The following GALNTL6 variants were observed in gnomAD, a reference collection of about 807,000 sequenced individuals.
GALNTL6 encodes the protein polypeptide N-acetylgalactosaminyltransferase like 6.
In GALNTL6, 46 loss-of-function variants were observed where a neutral mutation model predicts 73.7. That is an observed-to-expected ratio of 0.62 (90% confidence interval 0.49 to 0.80). GALNTL6 has a LOEUF of 0.80. Ranked by LOEUF, GALNTL6 falls within the 30% of genes least tolerant of loss-of-function variation. The pLI, the probability that GALNTL6 is intolerant of heterozygous loss-of-function variation, is 0.00. For missense variants in GALNTL6, 604 were observed against 755.0 expected (o/e 0.80, Z 2.34); for synonymous variants, 259 against 263.7 (o/e 0.98, Z 0.17).
intron 2 of GALNTL6, among the ~76,000 whole-genome samples, chr4:171,929,075 AT>A (rs1355406116): frequency 6.6e-6 from 1 of 152,000 alleles, no homozygotes; most frequent in Non-Finnish European, 1.5e-5. Flanking sequence ...TGTTATTATT[AT>A]TATTTTTGAG....
intron 5 of GALNTL6, among the ~76,000 whole-genome samples, chr4:172,746,722 C>A (rs2110762310): frequency 6.6e-6 from 1 of 152,126 alleles, no homozygotes; most frequent in South Asian, 2.1e-4. Context: ...CCATATATGG[C>A]AAACCCACAG....
intron 5 of GALNTL6, among the ~76,000 whole-genome samples, chr4:172,395,943 G>A (rs753798559): frequency 1.6e-4 from 25 of 152,114 alleles, no homozygotes; most frequent in East Asian, 1.2e-3. Flanking sequence ...CTGACTTCAC[G>A]CGTAGTTAAA....
intron 2 of GALNTL6, among the ~76,000 whole-genome samples, chr4:172,213,865 AAACTAAGGTC>A (rs894879768): frequency 1.3e-5 from 2 of 152,196 alleles, no homozygotes; most frequent in African/African-American, 4.8e-5. Flanking sequence ...CTCATCACCA[AAACTAAGGTC>A]ACCTAGATAG....
At chr4:172,826,884 G>C (rs1742298564) in intron 7 of GALNTL6, among the ~76,000 whole-genome samples, 2 of 152,106 alleles carry the variant, frequency 1.3e-5, no homozygotes, top group African/African-American at 4.8e-5. Flanking sequence ...CTCCATGCCG[G>C]GATTGTTTTC....
At chr4:172,369,019 G>T (rs978022962) in intron 5 of GALNTL6, among the ~76,000 whole-genome samples, 1 of 152,190 alleles carries the variant, frequency 6.6e-6, no homozygotes, top group Non-Finnish European at 1.5e-5. Context: ...AGCTTCCACA[G>T]TGTGGAAGGG....
At chr4:173,023,549 C>T (rs1056728510) in intron 12 of GALNTL6, among the ~76,000 whole-genome samples, 3 of 152,022 alleles carry the variant, frequency 2.0e-5, no homozygotes, top group African/African-American at 7.2e-5. Flanking sequence ...CCCAGCTACT[C>T]GGGAGGCTGA....
intron 8 of GALNTL6, among the ~76,000 whole-genome samples, chr4:172,925,079 A>G (rs1427526487): frequency 2.0e-5 from 3 of 151,436 alleles, no homozygotes; most frequent in East Asian, 3.9e-4. Context: ...TCACTGTGTT[A>G]GCCAGGATGG....
intron 8 of GALNTL6, among the ~76,000 whole-genome samples, chr4:172,930,155 A>G (rs902082980): frequency 1.3e-5 from 2 of 152,082 alleles, no homozygotes; most frequent in African/African-American, 4.8e-5. Flanking sequence ...GCGGGCACCT[A>G]TAATCTCAGC....
At chr4:172,204,144 T>C (rs1162946678) in intron 2 of GALNTL6, among the ~76,000 whole-genome samples, 1 of 152,142 alleles carries the variant, frequency 6.6e-6, no homozygotes, top group Non-Finnish European at 1.5e-5. Flanking sequence ...AATTCAGAAA[T>C]TGTGAAGTTT....
chr4:172,858,427 C>G (rs1274009182), intron 7 of GALNTL6, among the ~76,000 whole-genome samples: 10 of 152,078 alleles, frequency 6.6e-5, no homozygotes, highest in African/African-American at 2.4e-4. Flanking sequence ...GAGTTATTTT[C>G]AATAGGGAAG....
At chr4:172,740,147 A>G (rs571899205) in intron 5 of GALNTL6, among the ~76,000 whole-genome samples, 2 of 152,070 alleles carry the variant, frequency 1.3e-5, no homozygotes, top group South Asian at 2.1e-4. Flanking sequence ...TACTTGTTCT[A>G]TTTTATTGGC....
At chr4:172,597,531 C>T (rs181193462) in intron 5 of GALNTL6, among the ~76,000 whole-genome samples, 94 of 152,090 alleles carry the variant, frequency 6.2e-4, no homozygotes, top group African/African-American at 1.7e-3. Flanking sequence ...CATTATTTTG[C>T]TGTGGGGAGA....
chr4:171,829,102 A>AT (rs1246958867), intron 2 of GALNTL6, among the ~76,000 whole-genome samples: 1 of 152,162 alleles, frequency 6.6e-6, no homozygotes, highest in African/African-American at 2.4e-5. Flanking sequence ...TTACATGCAG[A>AT]TTTTTGAGTG....
intron 10 of GALNTL6, among the ~76,000 whole-genome samples, chr4:173,000,171 G>A (rs1402228327): frequency 6.6e-6 from 1 of 152,060 alleles, no homozygotes; most frequent in Admixed American, 6.5e-5. Flanking sequence ...CATTTATGAA[G>A]CATTATCCTT....
intron 5 of GALNTL6, among the ~76,000 whole-genome samples, chr4:172,528,952 C>CATATATATATATATATAT (rs765904258): frequency 0.015 from 350 of 23,348 alleles, 57 homozygotes; most frequent in Non-Finnish European, 0.029. Flanking sequence ...TTCCCAAAGG[C>CATATATATATATATATAT]ATATATATAT....
chr4:172,717,299 A>G (rs1434829048), intron 5 of GALNTL6, among the ~76,000 whole-genome samples: 1 of 152,226 alleles, frequency 6.6e-6, no homozygotes, highest in African/African-American at 2.4e-5. Flanking sequence ...CCCTTAACAC[A>G]TTCTATGTAA....
chr4:171,875,776 G>A (rs1392980406), intron 2 of GALNTL6, among the ~76,000 whole-genome samples: 1 of 149,728 alleles, frequency 6.7e-6, no homozygotes, highest in African/African-American at 2.5e-5. Context: ...TATCTAGTAT[G>A]AATATTTTGG....
chr4:172,668,040 C>A (rs1731765538), intron 5 of GALNTL6: 2 of 152,038 alleles, frequency 1.3e-5, no homozygotes, highest in South Asian at 4.2e-4. Context: ...TCTATTTTGC[C>A]CTAATGTGTC....
chr4:172,498,139 C>T (rs530590803), intron 5 of GALNTL6, among the ~76,000 whole-genome samples: 1 of 151,960 alleles, frequency 6.6e-6, no homozygotes, highest in Non-Finnish European at 1.5e-5. Flanking sequence ...TACAGGCACG[C>T]ACCACCACAC....
Sources: allele counts gnomAD v4.1 joint callset (sites outside exome capture counted in the v4.1 genomes callset), GRCh38; gene constraint gnomAD v4.1.1; transcripts MANE v1.5; gene names NCBI Gene and HGNC (gene_info 2026-07-23, HGNC 2026-07-21).